Variants in DYTN observed in about 807,000 individuals in gnomAD.
The protein encoded by DYTN is dystrotelin.
DYTN carries 75 observed loss-of-function variants against 69.6 expected under a neutral mutation model. That is an observed-to-expected ratio of 1.08 (90% CI 0.89 to 1.31). The LOEUF is 1.31. Ranked by LOEUF, DYTN falls within the 50% of genes most tolerant of loss-of-function variation. The pLI is 0.00. For missense variants in DYTN, 726 were observed against 688.4 expected (o/e 1.05, Z -0.61); for synonymous variants, 252 against 249.1 (o/e 1.01, Z -0.11).
intron 11 of DYTN, among the ~76,000 whole-genome samples, chr2:206,658,240 G>A (rs564807007): frequency 8.0e-4 from 121 of 151,886 alleles, no homozygotes; most frequent in African/African-American, 2.8e-3. Flanking sequence ...TTCTCATTTC[G>A]TTCATGTATT....
At chr2:206,673,722 C>T (rs1210594371) in intron 9 of DYTN, among the ~76,000 whole-genome samples, 2 of 152,192 alleles carry the variant, frequency 1.3e-5, no homozygotes, top group South Asian at 2.1e-4. Context: ...GGGTTGAATG[C>T]AACCTATCTT....
chr2:206,666,318 T>C (rs538360956), intron 9 of DYTN, among the ~76,000 whole-genome samples: 3 of 152,318 alleles, frequency 2.0e-5, no homozygotes, highest in Admixed American at 2.0e-4. Flanking sequence ...GCCTGGCTAT[T>C]GGAAAACCCT....
chr2:206,706,389 G>T (rs1427359070), intron 3 of DYTN, among the ~76,000 whole-genome samples: 1 of 151,858 alleles, frequency 6.6e-6, no homozygotes, highest in Non-Finnish European at 1.5e-5. Context: ...TTAGAGACAG[G>T]CACAGATAAT....
At chr2:206,705,748 T>C (rs1338261286) in intron 4 of DYTN, 40 bp downstream of exon 4, 2 of 1,592,698 alleles carry the variant, frequency 1.3e-6, no homozygotes, top group Non-Finnish European at 1.7e-6. Context: ...GATTTGGGGC[T>C]CACTGCACTT....
In DYTN at chr2:206,666,597, C is replaced by G. The variant is rs191195007; in HGVS notation, c.981-568G>C. Among the ~76,000 whole-genome samples, 9 of 152,224 alleles carry G rather than the reference C, an allele frequency of 5.9e-5. No homozygotes were observed. In the East Asian group the frequency reaches 1.2e-3, roughly 20 times the overall value. On this transcript the variant is annotated intron_variant, in intron 9 of 11. Coordinates refer to ENST00000452335, the MANE Select transcript of DYTN (RefSeq NM_001093730.1). ...AAAGTACACCCGTCATGGCTAAACA[C>G]CCAACACTTGACCAGGAACACAGGG... is the stretch of plus-strand genomic sequence containing the variant.
chr2:206,700,235 T>A lies in DYTN; in HGVS notation c.484-19A>T. ...TTGGGATCTGCAAGAGACAACCTCA[T>A]CTTAGCTGTTAGAAAGTGGAGAAAT... On this transcript the variant is annotated intron_variant, in intron 5 of 11. Coordinates refer to ENST00000452335, the MANE Select transcript of DYTN (RefSeq NM_001093730.1). The A allele has an allele frequency of 6.2e-7, 1 of 1,613,218 alleles. No homozygotes were observed. Among genetic ancestry groups the A allele is most frequent in the Non-Finnish European group, 8.5e-7 (1 of 1,179,252 alleles).
intron 11 of DYTN, among the ~76,000 whole-genome samples, chr2:206,653,037 G>A (rs894986669): frequency 6.6e-6 from 1 of 152,114 alleles, no homozygotes; most frequent in Non-Finnish European, 1.5e-5. Context: ...GGGTCCATCT[G>A]TGCTGTTTTT....
chr2:206,701,643 T>C (rs989108469), intron 5 of DYTN, among the ~76,000 whole-genome samples: 3 of 152,074 alleles, frequency 2.0e-5, no homozygotes, highest in East Asian at 3.9e-4. Context: ...CAGGGATAAA[T>C]GAGAAGATGT....
intron 5 of DYTN, 95 bp from the exon 6 acceptor site, chr2:206,700,311 A>G: frequency 7.5e-7 from 1 of 1,338,748 alleles, no homozygotes; most frequent in Non-Finnish European, 1.1e-6. Flanking sequence ...ACGGCTGTGT[A>G]GTCACAAGTA....
In DYTN at chr2:206,700,302, C is replaced by T. The variant is rs564578070; in HGVS notation, c.484-86G>A. On this transcript the variant is annotated intron_variant, in intron 5 of 11. Transcript: ENST00000452335. The stretch of plus-strand genomic sequence containing the variant: ...CAGCAGGGCTGAGAGCTGGTGCCCA[C>T]GGCTGTGTAGTCACAAGTATTTGGT... 2.2e-5 allele frequency: 32 copies of T among 1,442,992 alleles called. No individual in the cohort carries two copies. The South Asian group carries it at 2.5e-4, about 11-fold the overall frequency. 89.4% of individuals were successfully genotyped at this position (1,442,992 alleles called of 1,614,324 possible).
At chr2:206,679,455 G>C (rs147486819) in intron 9 of DYTN, among the ~76,000 whole-genome samples, 1 of 152,134 alleles carries the variant, frequency 6.6e-6, no homozygotes, top group African/African-American at 2.4e-5. Flanking sequence ...AAATCCCCCA[G>C]GTCATCTTGT....
At chr2:206,661,554 TCTC>T (rs1436238976) in intron 11 of DYTN, among the ~76,000 whole-genome samples, 1 of 152,092 alleles carries the variant, frequency 6.6e-6, no homozygotes, top group Non-Finnish European at 1.5e-5. Context: ...TCCCTCTTCT[TCTC>T]CTCAGCCTAC....
At chr2:206,704,820 G>A (rs1165434125) in intron 5 of DYTN, 23 bp downstream of exon 5, 1 of 1,594,146 alleles carries the variant, frequency 6.3e-7, no homozygotes, top group African/African-American at 1.3e-5. Flanking sequence ...CAAATGTACA[G>A]TTCTTAAGTA....
At chr2:206,682,693 T>A (rs13402412) in intron 9 of DYTN, among the ~76,000 whole-genome samples, 3,530 of 152,182 alleles carry the variant, frequency 0.023, 154 homozygotes, top group African/African-American at 0.081. Context: ...TTTTTCCAAG[T>A]TCCAGCTATG....
In DYTN at chr2:206,700,263, G is replaced by A. The variant is rs1446852947; in HGVS notation, c.484-47C>T. The stretch of plus-strand genomic sequence containing the variant: ...TAGCTGTTAGAAAGTGGAGAAATAT[G>A]TCGTCTCCGGGAGCAGCAGGGCTGA... On this transcript the variant is annotated intron_variant, in intron 5 of 11. Transcript: ENST00000452335. 3.1e-6 allele frequency: 5 copies of A among 1,605,730 alleles called. No individual in the cohort carries two copies. The East Asian group carries it at 1.1e-4, about 36-fold the overall frequency.
At chr2:206,659,251 A>C (rs1433882993) in intron 11 of DYTN, among the ~76,000 whole-genome samples, 2 of 146,286 alleles carry the variant, frequency 1.4e-5, no homozygotes, top group East Asian at 4.0e-4. Context: ...AGCTCACTGC[A>C]AGCTCCGCCT....
chr2:206,704,481 G>A (rs1222791331), intron 5 of DYTN, among the ~76,000 whole-genome samples: 1 of 152,136 alleles, frequency 6.6e-6, no homozygotes, highest in Admixed American at 6.5e-5. Context: ...TATTGGATAT[G>A]TTTTCAGTGG....
intron 9 of DYTN, among the ~76,000 whole-genome samples, chr2:206,675,112 T>C (rs1699669369): frequency 8.8e-6 from 1 of 113,776 alleles, no homozygotes. Flanking sequence ...AACATATATA[T>C]ATATGTGTGT....
rs560017306 is a variant in DYTN, at chr2:206,706,595, A to G, written c.296+707T>C. On this transcript the variant is annotated intron_variant, in intron 3 of 11. Transcript: ENST00000452335. ...GAGGCAGGCTGATGGGTGATAATGT[A>G]TTTCTTCTTCTTTACTTTTTTCGTC... Among the ~76,000 whole-genome samples, 18 of 151,736 alleles carry G rather than the reference A, an allele frequency of 1.2e-4. 1 individual carries two copies. In the South Asian group the frequency reaches 3.8e-3, roughly 32 times the overall value.
Sources: allele counts gnomAD v4.1 joint callset (sites outside exome capture counted in the v4.1 genomes callset), GRCh38; gene constraint gnomAD v4.1.1; transcripts MANE v1.5; gene names NCBI Gene and HGNC (gene_info 2026-07-23, HGNC 2026-07-21).